The following NUMB variants were observed in gnomAD, a reference collection of about 807,000 sequenced individuals.
NUMB encodes protein numb homolog.
In NUMB, 29 loss-of-function variants were observed where a neutral mutation model predicts 59.7. The observed-to-expected ratio is 0.49, with a 90% CI of 0.36 to 0.66. NUMB has a LOEUF of 0.66. NUMB is among the 30% of genes least tolerant of loss of function. The pLI is 0.00. For synonymous variants in NUMB, 288 were observed against 288.2 expected (o/e 1.00, Z 0.01); for missense variants, 723 against 822.0 (o/e 0.88, Z 1.47).
At chr14:73,353,097 T>TTTTTTTTTTTTTTTTTTTTTTTA in intron 4 of NUMB, among the ~76,000 whole-genome samples, 1 of 130,048 alleles carries the variant, frequency 7.7e-6, no homozygotes, top group Non-Finnish European at 1.6e-5. Flanking sequence ...TTTTTTTTTT[T>TTTTTTTTTTTTTTTTTTTTTTTA]TTTTGAGACA....
At chr14:73,416,924 C>T (rs1897149037) in intron 1 of NUMB, among the ~76,000 whole-genome samples, 1 of 151,392 alleles carries the variant, frequency 6.6e-6, no homozygotes, top group South Asian at 2.1e-4. Context: ...TTATCCTGTA[C>T]CCATTGAAAC....
chr14:73,356,754 G>A (rs577220504), intron 3 of NUMB, among the ~76,000 whole-genome samples: 4 of 152,078 alleles, frequency 2.6e-5, no homozygotes, highest in Non-Finnish European at 5.9e-5. Context: ...GTGTAGTGGC[G>A]TGATCACAGC....
At chr14:73,456,348 G>A (rs1055306550) in intron 1 of NUMB, among the ~76,000 whole-genome samples, 2 of 152,090 alleles carry the variant, frequency 1.3e-5, no homozygotes, top group African/African-American at 2.4e-5. Flanking sequence ...GACCTCAAGT[G>A]ATCCGCCCGC....
chr14:73,304,376 T>C (rs969391145), intron 6 of NUMB, among the ~76,000 whole-genome samples: 2 of 152,278 alleles, frequency 1.3e-5, no homozygotes, highest in Middle Eastern at 6.8e-3. Context: ...AGTGGTGTGA[T>C]CACAGCTCAC....
intron 1 of NUMB, among the ~76,000 whole-genome samples, chr14:73,437,041 C>CTTGT (rs1898085562): frequency 9.4e-6 from 1 of 106,664 alleles, no homozygotes; most frequent in African/African-American, 3.7e-5. Context: ...TTTTCTCTCT[C>CTTGT]TTTTTTTTTT....
intron 2 of NUMB, among the ~76,000 whole-genome samples, chr14:73,394,069 G>A (rs1006599972): frequency 2.6e-5 from 4 of 151,934 alleles, no homozygotes; most frequent in African/African-American, 7.2e-5. Context: ...GGGTTCAAGC[G>A]ATTCTCCTGC....
chr14:73,406,418 A>T (rs1466353989), intron 2 of NUMB, among the ~76,000 whole-genome samples: 1 of 152,096 alleles, frequency 6.6e-6, no homozygotes, highest in Non-Finnish European at 1.5e-5. Context: ...TACAAAGGAC[A>T]TGAACTCATC....
rs55831976 is a variant in NUMB, at chr14:73,390,638, C to CTTTTTTTTTT, written c.-101+19289_-101+19298dup. ...ATTTCCTTGAGGACAAAAACAAAGT[C>CTTTTTTTTTT]TTTTTTTTTTTTTTTTTTTTTTTTT... On this transcript the variant is annotated intron_variant, in intron 2 of 12. Coordinates refer to ENST00000555238, the MANE Select transcript of NUMB (RefSeq NM_001005743.2). Among the ~76,000 whole-genome samples the CTTTTTTTTTT allele has an allele frequency of 6.7e-3, 266 of 39,408 alleles. 46 individuals are homozygous for CTTTTTTTTTT. The highest frequency in any genetic ancestry group is 0.01 in the Non-Finnish European group (222 of 21,176). The allele number at this position is 39,408 out of a possible 152,430, so 25.9% of individuals were successfully genotyped here. A position where few individuals can be genotyped will look rare whatever the true frequency, so the allele number is the denominator to read the frequency against.
chr14:73,305,720 C>T (rs1407165748), intron 6 of NUMB, among the ~76,000 whole-genome samples: 1 of 152,204 alleles, frequency 6.6e-6, no homozygotes. Context: ...ACTCTCAGAA[C>T]AACAGTGATT....
chr14:73,414,906 G>C (rs1897061468), intron 1 of NUMB, among the ~76,000 whole-genome samples: 2 of 152,014 alleles, frequency 1.3e-5, no homozygotes, highest in South Asian at 4.2e-4. Flanking sequence ...ATTTTTAGTA[G>C]AGACAGGGTT....
intron 2 of NUMB, among the ~76,000 whole-genome samples, chr14:73,371,969 C>T (rs532586878): frequency 1.5e-4 from 23 of 152,130 alleles, no homozygotes; most frequent in Admixed American, 6.5e-4. Context: ...CAGTGGCTCA[C>T]GTCTGTAATC....
At chr14:73,307,045 C>G (rs1345253013) in intron 6 of NUMB, among the ~76,000 whole-genome samples, 1 of 152,160 alleles carries the variant, frequency 6.6e-6, no homozygotes. Flanking sequence ...CGTGGTGGCT[C>G]ACCCCTATAA....
chr14:73,385,008 C>T (rs977796456), intron 2 of NUMB, among the ~76,000 whole-genome samples: 2 of 151,540 alleles, frequency 1.3e-5, no homozygotes, highest in African/African-American at 4.9e-5. Flanking sequence ...ATTCTCCTGC[C>T]TTAGCCTCCT....
At chr14:73,309,520 A>G (rs1890649499) in intron 6 of NUMB, among the ~76,000 whole-genome samples, 1 of 152,060 alleles carries the variant, frequency 6.6e-6, no homozygotes, top group Admixed American at 6.6e-5. Context: ...GAGTTGAACA[A>G]TGAGAACACA....
chr14:73,277,319 A>AAGAATCAGTT, intron 12 of NUMB, 26 bp from the exon 13 acceptor site: 1 of 1,540,350 alleles, frequency 6.5e-7, no homozygotes, highest in Non-Finnish European at 8.9e-7. Context: ...TGAGAGACAA[A>AAGAATCAGTT]AGAATCAGTT....
At chr14:73,385,038 C>T (rs1039620428) in intron 2 of NUMB, among the ~76,000 whole-genome samples, 1 of 151,708 alleles carries the variant, frequency 6.6e-6, no homozygotes, top group African/African-American at 2.4e-5. Flanking sequence ...GGATTACAGG[C>T]ATGAGCCACC....
rs1355719970 is a variant in NUMB at position 73,318,699 on chromosome 14, T to C, written c.202-2277A>G. Among the ~76,000 whole-genome samples the C allele has an allele frequency of 3.3e-5, 5 of 152,318 alleles. No individual in the cohort carries two copies. The East Asian group carries it at 9.6e-4, about 29-fold the overall frequency. ...TGTCATTTATCCTATAGAAGCTAAG[T>C]CCCAAAGTAGCTAATCAGTGAGGTT... On this transcript the variant is annotated intron_variant, in intron 5 of 12. Transcript: ENST00000555238.
At chr14:73,450,687 C>A (rs544327459) in intron 1 of NUMB, among the ~76,000 whole-genome samples, 1 of 151,736 alleles carries the variant, frequency 6.6e-6, no homozygotes, top group Non-Finnish European at 1.5e-5. Flanking sequence ...CCCAGCTACT[C>A]GGAAGGCAGG....
chr14:73,427,017 A>G (rs1295308957), intron 1 of NUMB, among the ~76,000 whole-genome samples: 1 of 152,148 alleles, frequency 6.6e-6, no homozygotes, highest in African/African-American at 2.4e-5. Flanking sequence ...AGACTCTTAC[A>G]TTTAAAAAAA....
Sources: gnomAD v4.1 joint callset for allele counts (sites outside exome capture counted in the v4.1 genomes callset) on GRCh38, gnomAD v4.1.1 for gene constraint, MANE v1.5 for transcripts, NCBI Gene and HGNC (gene_info 2026-07-23, HGNC 2026-07-21) for gene names.